The following ASTN2 variants were observed in gnomAD, a reference collection of about 807,000 sequenced individuals.
The protein encoded by ASTN2 is astrotactin-2.
In ASTN2, 54 loss-of-function variants were observed where a neutral mutation model predicts 139.8. The observed-to-expected ratio is 0.39, with a 90% CI of 0.31 to 0.48. The LOEUF (loss-of-function observed/expected upper bound fraction) is 0.48, where lower values mean the gene tolerates loss of function less well. Ranked by LOEUF, ASTN2 falls within the 20% of genes least tolerant of loss-of-function variation. The probability of loss-of-function intolerance (pLI) is 0.95; values close to 1 mark genes in which losing one functional copy is unlikely to be tolerated. For missense variants in ASTN2, 1,565 were observed against 1,725.1 expected, an observed-to-expected ratio of 0.91 and a Z score of 1.64; for synonymous variants, 756 against 719.5, an observed-to-expected ratio of 1.05 and a Z score of -0.81.
At chr9:117,207,527 C>T (rs1327288605) in intron 3 of ASTN2, among the ~76,000 whole-genome samples, 1 of 152,152 alleles carries the variant, frequency 6.6e-6, no homozygotes, top group Non-Finnish European at 1.5e-5. Flanking sequence ...CTGGCAGATA[C>T]ACACCTAGAC....
At chr9:117,112,695 G>C (rs1396204321) in intron 4 of ASTN2, among the ~76,000 whole-genome samples, 1 of 151,948 alleles carries the variant, frequency 6.6e-6, no homozygotes, top group East Asian at 1.9e-4. Flanking sequence ...TTGACCTTGG[G>C]GTAGGCAAAG....
At chr9:116,844,327 C>G (rs1478105940) in intron 11 of ASTN2, among the ~76,000 whole-genome samples, 1 of 152,210 alleles carries the variant, frequency 6.6e-6, no homozygotes, top group Non-Finnish European at 1.5e-5. Context: ...GTTTCTGGGT[C>G]ACAGTCTGTT....
At chr9:116,836,575 T>C (rs1588336076) in intron 11 of ASTN2, among the ~76,000 whole-genome samples, 1 of 61,550 alleles carries the variant, frequency 1.6e-5, no homozygotes, top group South Asian at 6.2e-4. Context: ...AGAGCAGTTT[T>C]GTTTTGTTTT....
intron 13 of ASTN2, among the ~76,000 whole-genome samples, chr9:116,752,751 T>C (rs561009113): frequency 6.6e-6 from 1 of 152,134 alleles, no homozygotes; most frequent in Non-Finnish European, 1.5e-5. Context: ...AGATGGCAAA[T>C]GAGCATATGA....
chr9:117,275,897 A>T (rs1442553154), intron 2 of ASTN2, among the ~76,000 whole-genome samples: 1 of 152,070 alleles, frequency 6.6e-6, no homozygotes, highest in Admixed American at 6.6e-5. Flanking sequence ...TATAACCCCA[A>T]ATAACCTTAA....
intron 12 of ASTN2, among the ~76,000 whole-genome samples, chr9:116,818,288 C>T (rs1214213725): frequency 1.3e-5 from 2 of 152,148 alleles, no homozygotes; most frequent in Non-Finnish European, 1.5e-5. Context: ...GGGAAGGTCC[C>T]CTTGATAATG....
intron 13 of ASTN2, among the ~76,000 whole-genome samples, chr9:116,788,340 AC>A (rs1262623724): frequency 6.6e-6 from 1 of 152,244 alleles, no homozygotes; most frequent in African/African-American, 2.4e-5. Context: ...TATTCTCATC[AC>A]AAAAAGTATG....
intron 1 of ASTN2, among the ~76,000 whole-genome samples, chr9:117,362,841 C>G (rs2130898415): frequency 6.6e-6 from 1 of 152,212 alleles, no homozygotes; most frequent in Admixed American, 6.5e-5. Context: ...TGGCCCCACT[C>G]TCGTGCCACA....
chr9:116,709,981 T>A lies in ASTN2; in HGVS notation c.2806+15790A>T, dbSNP rs28480334. Among the ~76,000 whole-genome samples, 795 of 152,302 alleles carry A rather than the reference T, an allele frequency of 5.2e-3. 5 individuals carry two copies. The highest frequency in any genetic ancestry group is 0.018 in the African/African-American group (760 of 41,566). ...GTCAAATATCAGGGATGAATCGTAA[T>A]AAAGATTCTGACTCCATTTTTGGTA... On this transcript the variant is annotated intron_variant, in intron 16 of 22. Coordinates refer to ENST00000313400, the MANE Select transcript of ASTN2 (RefSeq NM_001365068.1).
chr9:117,140,697 A>AAGCAGC lies in ASTN2; in HGVS notation c.1168+623_1168+628dup, dbSNP rs1328866288. Among the ~76,000 whole-genome samples the AAGCAGC allele has an allele frequency of 4.0e-5, 6 of 151,552 alleles. No individual in the cohort carries two copies. The East Asian group carries it at 1.2e-3, about 30-fold the overall frequency. ...AGAGAAGGAGAAGGAGAAGGAGAAG[A>AAGCAGC]AGCAGCAGCAGAGGAAAAGGAGCAG... On this transcript the variant is annotated intron_variant, in intron 4 of 22. Transcript: ENST00000313400.
intron 10 of ASTN2, among the ~76,000 whole-genome samples, chr9:116,960,195 G>C (rs1835836570): frequency 6.6e-6 from 1 of 152,082 alleles, no homozygotes; most frequent in Non-Finnish European, 1.5e-5. Context: ...GGGGTCGCTG[G>C]ACCATCTAAG....
intron 2 of ASTN2, among the ~76,000 whole-genome samples, chr9:117,273,461 A>G (rs1455302800): frequency 6.6e-6 from 1 of 152,196 alleles, no homozygotes; most frequent in African/African-American, 2.4e-5. Flanking sequence ...AGCCTTCTCA[A>G]TGGAGTGCTG....
chr9:116,618,942 A>T (rs1199257037), intron 18 of ASTN2, among the ~76,000 whole-genome samples: 1 of 152,096 alleles, frequency 6.6e-6, no homozygotes, highest in Admixed American at 6.5e-5. Flanking sequence ...ATCTTTTTGC[A>T]AAGCAAGAAA....
chr9:116,906,603 T>C (rs1172598625), intron 10 of ASTN2, among the ~76,000 whole-genome samples: 3 of 152,316 alleles, frequency 2.0e-5, no homozygotes, highest in Middle Eastern at 3.4e-3. Context: ...AAAAGAAGAA[T>C]GGTTTTCTTA....
At chr9:117,395,505 T>C (rs2130952368) in intron 1 of ASTN2, among the ~76,000 whole-genome samples, 1 of 152,320 alleles carries the variant, frequency 6.6e-6, no homozygotes, top group South Asian at 2.1e-4. Context: ...GCCCTCTTGT[T>C]ACCTGCCCAA....
chr9:117,268,523 C>G (rs1178747997), intron 2 of ASTN2, among the ~76,000 whole-genome samples: 3 of 152,196 alleles, frequency 2.0e-5, no homozygotes, highest in Admixed American at 6.5e-5. Context: ...CGTCTAAGGT[C>G]TGTGCTTCTG....
intron 19 of ASTN2, among the ~76,000 whole-genome samples, chr9:116,536,278 T>A (rs1034820071): frequency 6.6e-6 from 1 of 152,014 alleles, no homozygotes; most frequent in African/African-American, 2.4e-5. Flanking sequence ...TCAAGGTTTT[T>A]ATCTTCTTTG....
At chr9:116,928,244 G>A (rs1834811669) in intron 10 of ASTN2, among the ~76,000 whole-genome samples, 1 of 152,162 alleles carries the variant, frequency 6.6e-6, no homozygotes, top group South Asian at 2.1e-4. Flanking sequence ...AAAAAACTGA[G>A]GCACAGAGAA....
At chr9:116,706,910 C>G (rs1191051508) in intron 16 of ASTN2, among the ~76,000 whole-genome samples, 1 of 151,694 alleles carries the variant, frequency 6.6e-6, no homozygotes. Context: ...CATTTAAGAA[C>G]AAGAATAAAG....
Sources: allele counts gnomAD v4.1 joint callset (sites outside exome capture counted in the v4.1 genomes callset), GRCh38; gene constraint gnomAD v4.1.1; transcripts MANE v1.5; gene names NCBI Gene and HGNC (gene_info 2026-07-23, HGNC 2026-07-21).